Variants in BST1 observed in about 807,000 individuals in gnomAD.
BST1 encodes the protein bone marrow stromal cell antigen 1, also known as ADP-ribosyl cyclase/cyclic ADP-ribose hydrolase 2.
BST1 carries 49 observed loss-of-function variants against 40.6 expected under a neutral mutation model. That is an observed-to-expected ratio of 1.21 (90% CI 0.96 to 1.53). The LOEUF (loss-of-function observed/expected upper bound fraction) is 1.53, where lower values mean the gene tolerates loss of function less well. Ranked by LOEUF, BST1 falls within the 40% of genes most tolerant of loss-of-function variation. The pLI is 0.00. For synonymous variants in BST1, 157 were observed against 159.3 expected, an observed-to-expected ratio of 0.99 and a Z score of 0.11; for missense variants, 423 against 395.9, an observed-to-expected ratio of 1.07 and a Z score of -0.58.
At chr4:15,713,435 C>T (rs1279767076) in intron 4 of BST1, among the ~76,000 whole-genome samples, 1 of 152,122 alleles carries the variant, frequency 6.6e-6, no homozygotes, top group Non-Finnish European at 1.5e-5. Flanking sequence ...CCACCCGCCT[C>T]AGCCTCCCAA....
intron 2 of BST1, 58 bp from the exon 3 acceptor site, chr4:15,707,453 C>A: frequency 6.2e-7 from 1 of 1,610,670 alleles, no homozygotes; most frequent in Non-Finnish European, 8.5e-7. Context: ...GATATTGTGC[C>A]TGAGGAGTCG....
intron 6 of BST1, among the ~76,000 whole-genome samples, chr4:15,716,186 G>T (rs1022947402): frequency 1.3e-5 from 2 of 152,106 alleles, no homozygotes; most frequent in South Asian, 4.1e-4. Flanking sequence ...TAATTAAGAC[G>T]TCATTCTCAG....
the BST1 span, among the ~76,000 whole-genome samples, chr4:15,769,866 A>G: frequency 6.6e-6 from 1 of 151,758 alleles, no homozygotes; most frequent in African/African-American, 2.4e-5. Context: ...TTTAAAGACA[A>G]TCTCCCTCTG....
At chr4:15,753,513 C>T in the BST1 span, among the ~76,000 whole-genome samples, 8 of 152,290 alleles carry the variant, frequency 5.3e-5, no homozygotes, top group African/African-American at 1.7e-4. Context: ...TAGTAGCATC[C>T]CTCTCCATTA....
At chr4:15,735,372 T>C (rs150332626), downstream of BST1, among the ~76,000 whole-genome samples, 418 of 152,292 alleles carry the variant, frequency 2.7e-3, no homozygotes, top group Non-Finnish European at 4.1e-3. Flanking sequence ...TTGGATGAAG[T>C]AGACCTTCCA....
chr4:15,742,903 C>A (rs1330010503), downstream of BST1, among the ~76,000 whole-genome samples: 1 of 152,200 alleles, frequency 6.6e-6, no homozygotes, highest in Non-Finnish European at 1.5e-5. Flanking sequence ...GGACTGCTCC[C>A]AGGAGGACAT....
chr4:15,705,033 G>T (rs2148876225), intron 1 of BST1: 3 of 723,664 alleles, frequency 4.1e-6, no homozygotes, highest in East Asian at 5.2e-5. Flanking sequence ...CTCAAGAGGG[G>T]CTTGCACTGG....
chr4:15,737,554 C>T (rs956347705), downstream of BST1, among the ~76,000 whole-genome samples: 1 of 152,148 alleles, frequency 6.6e-6, no homozygotes, highest in Non-Finnish European at 1.5e-5. Context: ...CAGCTCCATG[C>T]CTGGCACACT....
chr4:15,739,526 G>A (rs904563340), downstream of BST1, among the ~76,000 whole-genome samples: 2 of 150,886 alleles, frequency 1.3e-5, no homozygotes, highest in African/African-American at 4.9e-5. Flanking sequence ...TTACTTATTT[G>A]AGAAAAATGC....
intron 6 of BST1, among the ~76,000 whole-genome samples, chr4:15,718,697 G>A (rs1720642218): frequency 6.6e-6 from 1 of 152,170 alleles, no homozygotes; most frequent in African/African-American, 2.4e-5. Context: ...CCAGCTTCAG[G>A]CCCGGTGCTG....
At chr4:15,705,090 G>A in intron 1 of BST1, 1 of 686,192 alleles carries the variant, frequency 1.5e-6, no homozygotes, top group Admixed American at 2.1e-5. Context: ...GCAGCATTGG[G>A]CCTCCCTCCT....
In BST1 at chr4:15,718,949, G is replaced by C. The variant is rs200411213; in HGVS notation, c.747G>C (p.Arg249Ser). The C allele has an allele frequency of 1.2e-6, 2 of 1,614,084 alleles. No homozygotes were observed. The highest frequency in any genetic ancestry group is 2.7e-5 in the African/African-American group (2 of 75,040). Residue 249 changes from arginine to serine, a missense_variant, in exon 7 of 9, where the codon AGG (arginine) becomes AGC (serine). Coordinates refer to ENST00000265016, the MANE Select transcript of BST1 (RefSeq NM_004334.3). ...GEGSMKVLEKRLKDMGFQYSC... is the reference protein window; with the variant it reads ...GEGSMKVLEKSLKDMGFQYSC... ...GCAGCATGAAAGTCCTGGAAAAGAG[G>C]CTGAAGGACATGGGGTTCCAGTACA...
downstream of BST1, among the ~76,000 whole-genome samples, chr4:15,740,129 C>T (rs1479321864): frequency 2.0e-5 from 3 of 152,206 alleles, no homozygotes; most frequent in Non-Finnish European, 4.4e-5. Flanking sequence ...TCTCGTCTCA[C>T]TGCAACGTCT....
intron 7 of BST1, among the ~76,000 whole-genome samples, chr4:15,721,595 G>C (rs1205336378): frequency 4.7e-5 from 7 of 147,708 alleles, no homozygotes; most frequent in African/African-American, 1.7e-4. Context: ...TCACAGGTGG[G>C]AACTGAACAA....
chr4:15,770,622 C>T, the BST1 span, among the ~76,000 whole-genome samples: 1 of 152,118 alleles, frequency 6.6e-6, no homozygotes, highest in Non-Finnish European at 1.5e-5. Context: ...ATCGCTTGAG[C>T]CCGGGAGGCA....
At chr4:15,725,374 T>A (rs750671128) in intron 8 of BST1, among the ~76,000 whole-genome samples, 1 of 152,224 alleles carries the variant, frequency 6.6e-6, no homozygotes, top group Non-Finnish European at 1.5e-5. Context: ...GGTTCGGTGA[T>A]GGATTTAAGT....
the BST1 span, among the ~76,000 whole-genome samples, chr4:15,744,001 TAG>T: frequency 3.6e-4 from 55 of 152,372 alleles, no homozygotes; most frequent in African/African-American, 1.3e-3. Flanking sequence ...CCCTCTGCAT[TAG>T]AGTCTTTCTT....
chr4:15,719,100 G>A, intron 7 of BST1, 107 bp downstream of exon 7: 1 of 957,298 alleles, frequency 1.0e-6, no homozygotes, highest in Non-Finnish European at 1.5e-6. Flanking sequence ...AGGCCATGGT[G>A]TCTTCCGGGT....
chr4:15,731,638 TC>T lies in BST1; in HGVS notation c.852-100del, dbSNP rs1389242597. On this transcript the variant is annotated intron_variant, in intron 8 of 8. Transcript: ENST00000265016. The stretch of plus-strand genomic sequence containing the variant: ...GACTTTGCTGCTCATGGCTTCTCGC[TC>T]CGCGCTAACCAGAAAAGAGACTAAT... The T allele has an allele frequency of 1.4e-5, 20 of 1,445,762 alleles. No individual in the cohort carries two copies. The East Asian group carries it at 4.9e-4, about 35-fold the overall frequency. The allele number at this position is 1,445,762 out of a possible 1,614,324, so 89.6% of individuals were successfully genotyped here.
Sources: allele counts gnomAD v4.1 joint callset (sites outside exome capture counted in the v4.1 genomes callset), GRCh38; gene constraint gnomAD v4.1.1; transcripts MANE v1.5; gene names NCBI Gene and HGNC (gene_info 2026-07-23, HGNC 2026-07-21).